Variants in DCAF5 observed in about 807,000 individuals in gnomAD.
DCAF5 encodes the protein DDB1 and CUL4 associated factor 5, also known as DDB1- and CUL4-associated factor 5.
Under a neutral mutation model 80.7 loss-of-function variants are expected in DCAF5, and 9 were observed. The ratio of observed to expected loss-of-function variants is 0.11; its 90% CI spans 0.07 to 0.19. The LOEUF is 0.19. DCAF5 is among the 10% of genes least tolerant of loss of function. DCAF5 has a pLI of 1.00. For missense variants in DCAF5, 842 were observed against 1,205.7 expected (o/e 0.70, Z 4.47); for synonymous variants, 433 against 461.9 (o/e 0.94, Z 0.80).
At chr14:69,100,643 C>G (rs2039916986) in intron 5 of DCAF5, among the ~76,000 whole-genome samples, 1 of 152,186 alleles carries the variant, frequency 6.6e-6, no homozygotes, top group Admixed American at 6.5e-5. Flanking sequence ...TACAGATCCA[C>G]CATCCCACTT....
intron 7 of DCAF5, among the ~76,000 whole-genome samples, chr14:69,068,270 G>A (rs1270954088): frequency 6.6e-6 from 1 of 152,180 alleles, no homozygotes; most frequent in Non-Finnish European, 1.5e-5. Flanking sequence ...CTCAATAAGT[G>A]AACAAATTGA....
Position 69,055,595 on chromosome 14 carries a change from T to C in DCAF5, c.1091A>G (p.Lys364Arg). 6.2e-7 allele frequency: 1 copy of C among 1,601,270 alleles called. No individual in the cohort carries two copies. Among genetic ancestry groups the C allele is most frequent in the Non-Finnish European group, 8.6e-7 (1 of 1,169,108 alleles). ...EKIIKIWSPY[K>R]QPGCTGDLDG... Reference sequence around the variant, plus strand: ...GAGGTCTCCAGTACATCCTGGCTGCTTGTATGGGCTCCAGATCTGAACAGA... The same window carrying C: ...GAGGTCTCCAGTACATCCTGGCTGCCTGTATGGGCTCCAGATCTGAACAGA... The change falls in exon 9 of 9, where the codon AAG (lysine) becomes AGG (arginine). Residue 364 changes from lysine to arginine, a missense_variant. Lys to Arg is a conservative substitution (Grantham distance 26). Transcript: ENST00000341516. This position sits in a 1 kb window ranked among gnomAD's most constrained non-coding sequence, Gnocchi z 5.6.
chr14:69,098,893 C>CAAAA (rs57089112), intron 5 of DCAF5, among the ~76,000 whole-genome samples: 205 of 59,416 alleles, frequency 3.5e-3, no homozygotes, highest in Middle Eastern at 0.031. Flanking sequence ...ACTCTGTCTC[C>CAAAA]AAAAAAAAAA....
chr14:69,144,044 AT>A (rs1023272341), intron 1 of DCAF5: 12 of 152,198 alleles, frequency 7.9e-5, no homozygotes, highest in Non-Finnish European at 1.8e-4. Context: ...CTCAGCAGTA[AT>A]TTATCAATGT....
At chr14:69,132,899 G>A (rs1595053120) in intron 1 of DCAF5, among the ~76,000 whole-genome samples, 1 of 152,284 alleles carries the variant, frequency 6.6e-6, no homozygotes. Context: ...CTAAATTATA[G>A]TCCTCCCATC....
chr14:69,084,498 C>T (rs1045128759), intron 6 of DCAF5: 45 of 773,902 alleles, frequency 5.8e-5, no homozygotes, highest in African/African-American at 1.0e-4. Flanking sequence ...GTTGAAGGCC[C>T]GGCAAGGATT....
chr14:69,114,999 A>G (rs562345067), intron 5 of DCAF5, among the ~76,000 whole-genome samples: 246 of 152,314 alleles, frequency 1.6e-3, no homozygotes, highest in Non-Finnish European at 2.2e-3. Flanking sequence ...CATTGCAATT[A>G]TAAGTAGGAG....
chr14:69,073,388 C>T (rs1391951948), intron 7 of DCAF5, among the ~76,000 whole-genome samples: 4 of 152,116 alleles, frequency 2.6e-5, no homozygotes, highest in Non-Finnish European at 4.4e-5. Flanking sequence ...TTCTAGCCTG[C>T]AGAACTGTGA....
At chr14:69,061,926 A>G (rs2038230367) in intron 8 of DCAF5, among the ~76,000 whole-genome samples, 1 of 152,206 alleles carries the variant, frequency 6.6e-6, no homozygotes, top group Non-Finnish European at 1.5e-5. Context: ...GGGCTCAGGC[A>G]GAAGGATCGC....
chr14:69,124,788 T>C (rs1357560236), intron 1 of DCAF5, among the ~76,000 whole-genome samples: 1 of 152,226 alleles, frequency 6.6e-6, no homozygotes, highest in Non-Finnish European at 1.5e-5. Context: ...TAGTTCTCTA[T>C]AGTCTCCACT....
intron 7 of DCAF5, among the ~76,000 whole-genome samples, chr14:69,070,005 T>G (rs1036597711): frequency 1.3e-5 from 2 of 152,200 alleles, no homozygotes; most frequent in African/African-American, 2.4e-5. Context: ...ATTATTGTTG[T>G]TGGTGGTGGT....
intron 5 of DCAF5, among the ~76,000 whole-genome samples, chr14:69,103,061 CT>C (rs1387065809): frequency 6.6e-6 from 1 of 152,160 alleles, no homozygotes; most frequent in East Asian, 1.9e-4. Context: ...TCTTATGGGA[CT>C]TTTGTCATAC....
chr14:69,119,112 C>A, intron 3 of DCAF5, 82 bp downstream of exon 3: 1 of 1,402,912 alleles, frequency 7.1e-7, no homozygotes, highest in Non-Finnish European at 9.6e-7. Flanking sequence ...AAAACAAAAA[C>A]TATTTTAGTC....
intron 6 of DCAF5, among the ~76,000 whole-genome samples, chr14:69,087,260 C>G (rs903472720): frequency 6.6e-6 from 1 of 152,124 alleles, no homozygotes; most frequent in African/African-American, 2.4e-5. Context: ...TATTAAGAGA[C>G]TCGCTCACTG....
chr14:69,057,581 T>C (rs1391990021), intron 8 of DCAF5, among the ~76,000 whole-genome samples: 3 of 152,206 alleles, frequency 2.0e-5, no homozygotes, highest in Non-Finnish European at 4.4e-5. Context: ...AGCTCCTACA[T>C]TTTCCCTTCA....
chr14:69,132,342 G>T (rs943598949), intron 1 of DCAF5, among the ~76,000 whole-genome samples: 6 of 151,966 alleles, frequency 3.9e-5, no homozygotes, highest in Non-Finnish European at 7.4e-5. Context: ...CATCCTAATG[G>T]GTGTGAAATG....
chr14:69,149,101 C>G (rs1025062450), intron 1 of DCAF5, among the ~76,000 whole-genome samples: 1 of 152,200 alleles, frequency 6.6e-6, no homozygotes, highest in South Asian at 2.1e-4. Context: ...AGAGGCCTGG[C>G]GCTCTGTTCA....
At chr14:69,092,299 A>C (rs2039560367) in intron 5 of DCAF5, among the ~76,000 whole-genome samples, 1 of 152,196 alleles carries the variant, frequency 6.6e-6, no homozygotes, top group Non-Finnish European at 1.5e-5. Context: ...GTCATCCTTC[A>C]TATTAGAGAT....
chr14:69,115,090 C>T (rs997303522), intron 5 of DCAF5, among the ~76,000 whole-genome samples: 1 of 152,160 alleles, frequency 6.6e-6, no homozygotes, highest in African/African-American at 2.4e-5. Flanking sequence ...ACAGTTGTTC[C>T]TAAAGAGCCT....
Sources: allele counts gnomAD v4.1 joint callset (sites outside exome capture counted in the v4.1 genomes callset), GRCh38; gene constraint gnomAD v4.1.1; non-coding constraint Gnocchi (gnomAD v3.1); transcripts MANE v1.5; gene names NCBI Gene and HGNC (gene_info 2026-07-23, HGNC 2026-07-21).